Variants in ESR2 observed in about 807,000 individuals in gnomAD.
ESR2 encodes estrogen receptor 2, also known as estrogen receptor beta.
ESR2 carries 36 observed loss-of-function variants against 49.6 expected under a neutral mutation model. The observed-to-expected ratio is 0.73, with a 90% CI of 0.56 to 0.96. ESR2 has a LOEUF of 0.96. Among genes scored for constraint, ESR2 ranks in the 40% least tolerant of loss-of-function variants. ESR2 has a pLI of 0.00. For synonymous variants in ESR2, 320 were observed against 266.1 expected (o/e 1.20, Z -1.97); for missense variants, 714 against 693.0 (o/e 1.03, Z -0.34).
chr14:64,285,349 G>C (rs184358468), intron 1 of ESR2, among the ~76,000 whole-genome samples: 1 of 152,106 alleles, frequency 6.6e-6, no homozygotes, highest in Non-Finnish European at 1.5e-5. Context: ...CATTCCACAC[G>C]AATCTCCTGC....
intron 1 of ESR2, among the ~76,000 whole-genome samples, chr14:64,287,133 T>A (rs2076797328): frequency 6.6e-6 from 1 of 152,132 alleles, no homozygotes; most frequent in Non-Finnish European, 1.5e-5. Flanking sequence ...ATTCACATTA[T>A]TGTGCAACCA....
intron 7 of ESR2, among the ~76,000 whole-genome samples, chr14:64,243,494 T>C (rs2075783379): frequency 1.3e-5 from 2 of 152,234 alleles, no homozygotes; most frequent in Non-Finnish European, 2.9e-5. Context: ...GCAGTATCTG[T>C]GATGCACAAT....
intron 1 of ESR2, among the ~76,000 whole-genome samples, chr14:64,318,084 C>A (rs1326765061): frequency 6.6e-6 from 1 of 152,084 alleles, no homozygotes; most frequent in Non-Finnish European, 1.5e-5. Context: ...TTACATGATT[C>A]TCTATGTAGA....
At chr14:64,240,915 C>T (rs1190961956) in intron 7 of ESR2, among the ~76,000 whole-genome samples, 3 of 151,812 alleles carry the variant, frequency 2.0e-5, no homozygotes, top group African/African-American at 4.8e-5. Flanking sequence ...GAGGCCGAGG[C>T]GGGCGGATCA....
chr14:64,246,922 T>C (rs1292391297), intron 7 of ESR2, among the ~76,000 whole-genome samples: 1 of 152,050 alleles, frequency 6.6e-6, no homozygotes, highest in Non-Finnish European at 1.5e-5. Flanking sequence ...TAAGGCCAGA[T>C]TGAGACTTAA....
chr14:64,317,865 C>T (rs1421693592), intron 1 of ESR2, among the ~76,000 whole-genome samples: 1 of 152,136 alleles, frequency 6.6e-6, no homozygotes, highest in Non-Finnish European at 1.5e-5. Flanking sequence ...AACTTGATAA[C>T]AAGCATCTAT....
chr14:64,322,294 G>T (rs911998313), intron 1 of ESR2, among the ~76,000 whole-genome samples: 10 of 152,172 alleles, frequency 6.6e-5, no homozygotes, highest in Admixed American at 6.5e-4. Flanking sequence ...CCTGACCTCA[G>T]GTGATCCACC....
intron 1 of ESR2, among the ~76,000 whole-genome samples, chr14:64,313,631 T>C (rs1257410962): frequency 6.6e-6 from 1 of 151,388 alleles, no homozygotes; most frequent in African/African-American, 2.4e-5. Context: ...GGCTCACGCC[T>C]GTAATCCCAA....
At chr14:64,295,199 A>T (rs1271572), upstream of ESR2, among the ~76,000 whole-genome samples, 2 of 146,192 alleles carry the variant, frequency 1.4e-5, no homozygotes, top group Non-Finnish European at 3.0e-5. Context: ...CATTGTGAGA[A>T]CCCCCCAGTG....
In ESR2 at chr14:64,228,362, ACT is replaced by A. The variant is rs1160709484; in HGVS notation, c.*4773_*4774del. ...AAACACTTTATTTATATCATGTTAA[ACT>A]CTCTACGACAGTGCCATAGACATTA... is the stretch of plus-strand genomic sequence containing the variant. On this transcript the variant is annotated 3_prime_UTR_variant, in exon 9 of 9. Transcript: ENST00000341099. Among the ~76,000 whole-genome samples the A allele has an allele frequency of 2.6e-5, 4 of 152,282 alleles. No homozygotes were observed. In the East Asian group the frequency reaches 5.8e-4, roughly 22 times the overall value.
intron 6 of ESR2, among the ~76,000 whole-genome samples, chr14:64,256,662 G>A (rs2076101576): frequency 6.6e-6 from 1 of 151,964 alleles, no homozygotes; most frequent in South Asian, 2.1e-4. Flanking sequence ...CCGGTAGGCG[G>A]AGGTTGCAGT....
chr14:64,255,516 C>G (rs2076081280), intron 6 of ESR2, among the ~76,000 whole-genome samples: 1 of 152,130 alleles, frequency 6.6e-6, no homozygotes. Flanking sequence ...ACATTGTCAC[C>G]CATAACAACA....
intron 1 of ESR2, among the ~76,000 whole-genome samples, chr14:64,306,609 CTT>C (rs374225429): frequency 2.6e-5 from 4 of 152,306 alleles, no homozygotes; most frequent in African/African-American, 9.6e-5. Context: ...GAAATGAAGA[CTT>C]ATATGCCTGA....
intron 6 of ESR2, among the ~76,000 whole-genome samples, chr14:64,255,818 C>T (rs1323803538): frequency 1.3e-5 from 2 of 152,220 alleles, no homozygotes; most frequent in Admixed American, 6.5e-5. Context: ...TCTTCCAGAG[C>T]CTCCCTCCAT....
chr14:64,261,311 C>T (rs1160969515), intron 4 of ESR2, among the ~76,000 whole-genome samples: 2 of 134,328 alleles, frequency 1.5e-5, no homozygotes, highest in African/African-American at 2.8e-5. Context: ...GATCTCGGCT[C>T]ACTGCAAGCT....
chr14:64,321,177 A>G (rs976398865), intron 1 of ESR2, among the ~76,000 whole-genome samples: 1 of 152,176 alleles, frequency 6.6e-6, no homozygotes, highest in Non-Finnish European at 1.5e-5. Flanking sequence ...TTTAAAAACT[A>G]GATGCAAAAG....
At chr14:64,289,499 C>G (rs537368783) in intron 1 of ESR2, among the ~76,000 whole-genome samples, 2 of 141,990 alleles carry the variant, frequency 1.4e-5, no homozygotes, top group East Asian at 4.1e-4. Context: ...GCAACAAGAG[C>G]AAAACTTCAT....
intron 5 of ESR2, among the ~76,000 whole-genome samples, chr14:64,258,708 T>C (rs1437619740): frequency 2.6e-5 from 4 of 152,202 alleles, no homozygotes; most frequent in Non-Finnish European, 4.4e-5. Flanking sequence ...GGATAAATAC[T>C]TTCTAAATCC....
rs1022677605 is a variant in ESR2, at chr14:64,233,535, C to G, written c.1407-212G>C. 1.6e-5 allele frequency: 9 copies of G among 554,920 alleles called. No individual in the cohort carries two copies. In the East Asian group the frequency reaches 2.6e-4, roughly 16 times the overall value. The allele number at this position is 554,920 out of a possible 1,614,324, so 34.4% of individuals were successfully genotyped here. The stretch of plus-strand genomic sequence containing the variant: ...ATGTCTTGTCAGCCTCTGTGTCCCA[C>G]CACACACCTACAATGGCCTGACACA... On this transcript the variant is annotated intron_variant, in intron 8 of 8. Coordinates refer to ENST00000341099, the MANE Select transcript of ESR2 (RefSeq NM_001437.3).
Sources: allele counts gnomAD v4.1 joint callset (sites outside exome capture counted in the v4.1 genomes callset), GRCh38; gene constraint gnomAD v4.1.1; transcripts MANE v1.5; gene names NCBI Gene and HGNC (gene_info 2026-07-23, HGNC 2026-07-21).